Variants in CAPN13 observed in about 807,000 individuals in gnomAD.
CAPN13 encodes the protein calpain 13, also known as calpain-13.
CAPN13 carries 90 observed loss-of-function variants against 98.4 expected under a neutral mutation model. The ratio of observed to expected loss-of-function variants is 0.92; its 90% CI spans 0.77 to 1.09. CAPN13 has a LOEUF of 1.09. CAPN13 is among the 50% of genes least tolerant of loss of function. CAPN13 has a pLI of 0.00. For synonymous variants in CAPN13, 330 were observed against 305.5 expected (o/e 1.08, Z -0.84); for missense variants, 887 against 841.3 (o/e 1.05, Z -0.67).
intron 1 of CAPN13, among the ~76,000 whole-genome samples, chr2:30,794,698 C>A (rs1482760295): frequency 6.6e-6 from 1 of 151,662 alleles, no homozygotes; most frequent in Non-Finnish European, 1.5e-5. Context: ...TACTACTCAG[C>A]AATAAAAAGA....
chr2:30,778,861 G>T (rs1336327614), intron 2 of CAPN13, among the ~76,000 whole-genome samples: 1 of 152,166 alleles, frequency 6.6e-6, no homozygotes, highest in Non-Finnish European at 1.5e-5. Flanking sequence ...CACCAGGTCC[G>T]ACCCTCTGCC....
At chr2:30,803,190 G>T (rs1675396378) in intron 1 of CAPN13, among the ~76,000 whole-genome samples, 1 of 152,224 alleles carries the variant, frequency 6.6e-6, no homozygotes, top group South Asian at 2.1e-4. Context: ...GGAGAAAAGA[G>T]AATGTTTGGC....
intron 4 of CAPN13, among the ~76,000 whole-genome samples, chr2:30,771,541 A>G (rs1332729945): frequency 6.6e-6 from 1 of 152,196 alleles, no homozygotes; most frequent in Non-Finnish European, 1.5e-5. Flanking sequence ...TTGTGTTCCT[A>G]TTGCAGTGAG....
Position 30,776,052 on chromosome 2 carries a change from G to A in CAPN13, c.272-7C>T, listed in dbSNP as rs200117131. 85 of 1,596,578 alleles carry A rather than the reference G, an allele frequency of 5.3e-5. No individual in the cohort carries two copies. In the African/African-American group the frequency reaches 1.1e-3, roughly 21 times the overall value. The stretch of plus-strand genomic sequence containing the variant: ...GCCAGGAACCAGCAGTCAGCTGTGA[G>A]GGGAGATAAGCCAGGAAAGGCTGAT... On this transcript the variant is annotated splice_region_variant and splice_polypyrimidine_tract_variant and intron_variant, in intron 3 of 22. Transcript: ENST00000295055.
chr2:30,759,907 A>T (rs1672750485), intron 7 of CAPN13, among the ~76,000 whole-genome samples: 1 of 152,170 alleles, frequency 6.6e-6, no homozygotes, highest in Non-Finnish European at 1.5e-5. Flanking sequence ...ACATGGGCCC[A>T]GGAGCCTGGC....
chr2:30,787,329 T>C lies in CAPN13; in HGVS notation c.-4A>G, dbSNP rs772680202. ...AAGGCTCCTGGTAATACGCCATGAC[T>C]CTCCTTAGAAGACTTCCGAGGTCCT... On this transcript the variant is annotated 5_prime_UTR_variant, in exon 2 of 23. Transcript: ENST00000295055. 6.2e-7 allele frequency: 1 copy of C among 1,610,130 alleles called. No homozygotes were observed. Among genetic ancestry groups the C allele is most frequent in the South Asian group, 1.1e-5 (1 of 89,888 alleles).
Position 30,777,609 on chromosome 2 carries a change from G to C in CAPN13, c.229C>G (p.Leu77Val). 6.3e-7 allele frequency: 1 copy of C among 1,580,598 alleles called. No homozygotes were observed. The highest frequency in any genetic ancestry group is 8.6e-7 in the Non-Finnish European group (1 of 1,161,728). The change falls in exon 3 of 23, where the codon CTG becomes GTG. Residue 77 changes from leucine to valine, a missense_variant. Leu to Val is a conservative substitution (Grantham distance 32). Transcript: ENST00000295055. ...ATGTCAAATCTGCTTATATCATCCA[G>C]GATGAAGTGAGGAGGACCCCCTGGT... Reference protein sequence around the residue: ...DLPGGPPHFILDDISRFDIQQ... With the variant: ...DLPGGPPHFIVDDISRFDIQQ...
At position 30,730,746 on chromosome 2, in the gene CAPN13, C is replaced by A; in HGVS notation, c.*14G>T. ...ATGTCTTACCTGAGCCATGGGTCTGCTTTCCTCTTTGCTTCAGTTGTACAT... is the reference window on the plus strand; with the variant it reads ...ATGTCTTACCTGAGCCATGGGTCTGATTTCCTCTTTGCTTCAGTTGTACAT... On this transcript the variant is annotated 3_prime_UTR_variant, in exon 22 of 23. Transcript: ENST00000295055. The A allele has an allele frequency of 1.3e-6, 1 of 780,868 alleles. No homozygotes were observed. Among genetic ancestry groups the A allele is most frequent in the Admixed American group, 1.7e-5 (1 of 59,042 alleles). 48.4% of individuals were successfully genotyped at this position (780,868 alleles called of 1,614,324 possible). A position where few individuals can be genotyped will look rare whatever the true frequency, so the allele number is the denominator to read the frequency against.
At chr2:30,764,583 T>C (rs1673018627) in intron 5 of CAPN13, among the ~76,000 whole-genome samples, 2 of 152,210 alleles carry the variant, frequency 1.3e-5, no homozygotes, top group Non-Finnish European at 2.9e-5. Flanking sequence ...GTGCCTGTGC[T>C]GGAGGCACAG....
At chr2:30,728,414 AATAATATGGGAACCC>A (rs144395217) in intron 22 of CAPN13, among the ~76,000 whole-genome samples, 2,297 of 152,196 alleles carry the variant, frequency 0.015, 28 homozygotes, top group Non-Finnish European at 0.022. Context: ...TATGTGAGTG[AATAATATGGGAACCC>A]ATAATATGGG....
chr2:30,784,041 A>G (rs1198458469), intron 2 of CAPN13, among the ~76,000 whole-genome samples: 1 of 152,036 alleles, frequency 6.6e-6, no homozygotes, highest in Non-Finnish European at 1.5e-5. Flanking sequence ...TTAGCCAGGC[A>G]TGGTGGCTCA....
At chr2:30,758,554 G>C (rs921136) in intron 7 of CAPN13, among the ~76,000 whole-genome samples, 3,551 of 152,298 alleles carry the variant, frequency 0.023, 46 homozygotes, top group Non-Finnish European at 0.034. Context: ...ATTCTCTGCC[G>C]GCAGCCCAGT....
At chr2:30,786,230 G>A (rs1303024838) in intron 2 of CAPN13, among the ~76,000 whole-genome samples, 3 of 152,180 alleles carry the variant, frequency 2.0e-5, no homozygotes, top group South Asian at 4.1e-4. Flanking sequence ...TTTAATCAGT[G>A]CTCAATAATG....
chr2:30,757,713 C>T (rs72783029), intron 8 of CAPN13, among the ~76,000 whole-genome samples: 2 of 152,100 alleles, frequency 1.3e-5, no homozygotes, highest in African/African-American at 2.4e-5. Context: ...CCTTGCCTCC[C>T]GCCACTTTTA....
intron 2 of CAPN13, among the ~76,000 whole-genome samples, chr2:30,784,084 G>T (rs1476864096): frequency 6.6e-6 from 1 of 152,044 alleles, no homozygotes; most frequent in Non-Finnish European, 1.5e-5. Context: ...GGAGGCTGAG[G>T]CAGGAGAATC....
At chr2:30,745,117 C>T (rs1443979493) in intron 12 of CAPN13, 3 of 445,188 alleles carry the variant, frequency 6.7e-6, no homozygotes, top group Admixed American at 5.0e-5. Flanking sequence ...GCAGATGCAC[C>T]TCCCTCTTGG....
intron 2 of CAPN13, among the ~76,000 whole-genome samples, chr2:30,784,756 T>G (rs1440050609): frequency 6.6e-6 from 1 of 152,134 alleles, no homozygotes; most frequent in African/African-American, 2.4e-5. Context: ...CTATATGACT[T>G]TGGGCAGAGG....
At chr2:30,736,710 G>T in intron 17 of CAPN13, 139 bp from the exon 18 acceptor site, 1 of 705,580 alleles carries the variant, frequency 1.4e-6, no homozygotes, top group Non-Finnish European at 2.5e-6. Flanking sequence ...CCCCATGCCA[G>T]CTGGCTCCCG....
At chr2:30,795,653 G>A (rs1018719473) in intron 1 of CAPN13, among the ~76,000 whole-genome samples, 2 of 151,944 alleles carry the variant, frequency 1.3e-5, no homozygotes, top group African/African-American at 4.8e-5. Flanking sequence ...CTGGATATTC[G>A]TCTTTTGTTG....
Sources: allele counts gnomAD v4.1 joint callset (sites outside exome capture counted in the v4.1 genomes callset), GRCh38; gene constraint gnomAD v4.1.1; transcripts MANE v1.5; gene names NCBI Gene and HGNC (gene_info 2026-07-23, HGNC 2026-07-21).